Variants in ZNF385D observed in about 807,000 individuals in gnomAD.
ZNF385D encodes the protein zinc finger protein 659.
A neutral mutation model predicts 35.8 loss-of-function variants in ZNF385D; 15 were observed. That is an observed-to-expected ratio of 0.42 (90% CI 0.28 to 0.64). ZNF385D has a LOEUF of 0.64. ZNF385D is among the 30% of genes least tolerant of loss of function. The pLI is 0.23. For missense variants in ZNF385D, 474 were observed against 494.6 expected (o/e 0.96, Z 0.39); for synonymous variants, 212 against 186.8 (o/e 1.13, Z -1.10).
chr3:22,287,728 A>G (rs983975066), intron 2 of ZNF385D, among the ~76,000 whole-genome samples: 1 of 152,054 alleles, frequency 6.6e-6, no homozygotes, highest in Non-Finnish European at 1.5e-5. Flanking sequence ...TATTATAGCT[A>G]TAATTGTTTG....
chr3:21,472,352 TAGAG>T (rs1328501530), intron 4 of ZNF385D, among the ~76,000 whole-genome samples: 6 of 151,998 alleles, frequency 3.9e-5, no homozygotes, highest in African/African-American at 1.4e-4. Flanking sequence ...CTAAAGGACA[TAGAG>T]GAGGACTATA....
intron 2 of ZNF385D, among the ~76,000 whole-genome samples, chr3:21,624,324 G>C (rs1289611750): frequency 6.6e-6 from 1 of 151,968 alleles, no homozygotes; most frequent in Non-Finnish European, 1.5e-5. Context: ...TCATATGTCT[G>C]CTTTTCAGGG....
rs527960950 is a variant in ZNF385D at position 21,433,611 on chromosome 3, T to C, written c.673+3359A>G. Among the ~76,000 whole-genome samples, 201 of 152,274 alleles carry C rather than the reference T, an allele frequency of 1.3e-3. 1 individual carries two copies. The highest frequency in any genetic ancestry group is 4.5e-3 in the African/African-American group (189 of 41,564). On this transcript the variant is annotated intron_variant, in intron 5 of 7. Transcript: ENST00000281523. ...ACAGTGGAGTTCTAAAGGTGGGGCA[T>C]TGATTGCTGTCTTCTCTGAATGCAG... is the stretch of plus-strand genomic sequence containing the variant.
Position 22,250,864 on chromosome 3 carries a change from T to C in ZNF385D, c.107-81829A>G, listed in dbSNP as rs111976902. The stretch of plus-strand genomic sequence containing the variant: ...AAAACTAAATCCCTCTTGTCAAAAA[T>C]ACCTTAATCCATGGGATCCAAAGAC... On this transcript the variant is annotated intron_variant, in intron 2 of 5. Coordinates refer to the ZNF385D transcript ENST00000494108. Among the ~76,000 whole-genome samples the C allele has an allele frequency of 9.8e-3, 1,486 of 152,108 alleles. 29 individuals are homozygous for C. The highest frequency in any genetic ancestry group is 0.034 in the African/African-American group (1,417 of 41,518).
At chr3:21,590,264 A>T (rs970537265) in intron 2 of ZNF385D, among the ~76,000 whole-genome samples, 2 of 152,190 alleles carry the variant, frequency 1.3e-5, no homozygotes, top group Non-Finnish European at 2.9e-5. Context: ...ATGTTTATGT[A>T]TATGCTATGC....
intron 2 of ZNF385D, among the ~76,000 whole-genome samples, chr3:22,193,685 A>C (rs1330472618): frequency 6.6e-6 from 1 of 151,982 alleles, no homozygotes; most frequent in Admixed American, 6.6e-5. Flanking sequence ...TCAATATTCT[A>C]TTATATATTG....
intron 1 of ZNF385D, among the ~76,000 whole-genome samples, chr3:21,684,545 T>TA (rs138185866): frequency 0.074 from 11,045 of 150,214 alleles, 494 homozygotes; most frequent in East Asian, 0.14. Context: ...CCCAAATTCA[T>TA]AAAAGTTCAA....
intron 2 of ZNF385D, among the ~76,000 whole-genome samples, chr3:22,364,997 A>C (rs544880635): frequency 1.3e-5 from 2 of 152,268 alleles, no homozygotes; most frequent in Admixed American, 6.5e-5. Context: ...ACAAAAAGAC[A>C]AATACTGTAT....
At chr3:22,116,911 T>C (rs62246429) in intron 3 of ZNF385D, among the ~76,000 whole-genome samples, 28,181 of 152,052 alleles carry the variant, frequency 0.19, 2,932 homozygotes, top group Middle Eastern at 0.26. Context: ...TGCTAGTCAC[T>C]TTACTAAGTG....
chr3:22,177,172 G>A (rs1005574730), intron 2 of ZNF385D, among the ~76,000 whole-genome samples: 1 of 152,166 alleles, frequency 6.6e-6, no homozygotes, highest in African/African-American at 2.4e-5. Context: ...AGGCTGCACT[G>A]TGAGTCCTGC....
At chr3:22,076,128 C>T (rs1281400812) in intron 3 of ZNF385D, among the ~76,000 whole-genome samples, 1 of 151,934 alleles carries the variant, frequency 6.6e-6, no homozygotes, top group African/African-American at 2.4e-5. Context: ...AATTTGCCTC[C>T]TTTTCATTCC....
chr3:22,033,200 G>A (rs978177836), intron 3 of ZNF385D, among the ~76,000 whole-genome samples: 1 of 151,824 alleles, frequency 6.6e-6, no homozygotes, highest in African/African-American at 2.4e-5. Flanking sequence ...TCAGGCATTC[G>A]AGACCAAACG....
intron 1 of ZNF385D, among the ~76,000 whole-genome samples, chr3:21,718,899 T>A (rs2068429505): frequency 1.3e-5 from 2 of 152,186 alleles, no homozygotes; most frequent in South Asian, 4.1e-4. Context: ...AAACTGTATT[T>A]TCATCAAATA....
intron 2 of ZNF385D, among the ~76,000 whole-genome samples, chr3:21,608,023 G>A (rs28651030): frequency 2.6e-4 from 31 of 120,240 alleles, no homozygotes; most frequent in Non-Finnish European, 4.9e-4. Flanking sequence ...TTTTTTTTTT[G>A]TTTTTTTTTT....
At chr3:21,868,796 C>G (rs1697523408) in intron 3 of ZNF385D, among the ~76,000 whole-genome samples, 1 of 152,098 alleles carries the variant, frequency 6.6e-6, no homozygotes, top group South Asian at 2.1e-4. Context: ...GAACAGAGCA[C>G]AGTATTTTCA....
intron 3 of ZNF385D, among the ~76,000 whole-genome samples, chr3:21,810,565 T>C (rs2072873056): frequency 6.6e-6 from 1 of 151,802 alleles, no homozygotes; most frequent in East Asian, 1.9e-4. Context: ...TGTATATGTT[T>C]ATTTATTTTT....
chr3:21,937,364 A>G (rs1467686916), intron 3 of ZNF385D, among the ~76,000 whole-genome samples: 1 of 152,168 alleles, frequency 6.6e-6, no homozygotes, highest in Admixed American at 6.5e-5. Flanking sequence ...AATAATGCCA[A>G]TGACTTTTAC....
intron 3 of ZNF385D, among the ~76,000 whole-genome samples, chr3:22,068,258 C>CT (rs937257712): frequency 1.1e-4 from 17 of 152,192 alleles, no homozygotes; most frequent in South Asian, 2.1e-4. Context: ...TAATTCTATT[C>CT]TTTTTTTCAC....
intron 1 of ZNF385D, among the ~76,000 whole-genome samples, chr3:21,722,116 A>C (rs546182172): frequency 6.8e-6 from 1 of 147,374 alleles, no homozygotes; most frequent in Non-Finnish European, 1.5e-5. Flanking sequence ...AAAAAAAAAA[A>C]AGAGGTATTT....
Sources: allele counts gnomAD v4.1 joint callset (sites outside exome capture counted in the v4.1 genomes callset), GRCh38; gene constraint gnomAD v4.1.1; transcripts MANE v1.5; gene names NCBI Gene and HGNC (gene_info 2026-07-23, HGNC 2026-07-21).